The following CACNA2D1 variants were observed in gnomAD, a reference collection of about 807,000 sequenced individuals.
The protein encoded by CACNA2D1 is calcium voltage-gated channel auxiliary subunit alpha2delta 1.
CACNA2D1 carries 53 observed loss-of-function variants against 171.5 expected under a neutral mutation model. The observed-to-expected ratio is 0.31, with a 90% CI of 0.25 to 0.39. The LOEUF (loss-of-function observed/expected upper bound fraction) is 0.39. Among genes scored for constraint, CACNA2D1 ranks in the 10% least tolerant of loss-of-function variants. The pLI is 1.00. For missense variants in CACNA2D1, 903 were observed against 1,299.8 expected (o/e 0.69, Z 4.69); for synonymous variants, 442 against 443.1 (o/e 1.00, Z 0.03).
chr7:82,199,387 T>G (rs1799183314), intron 3 of CACNA2D1, among the ~76,000 whole-genome samples: 1 of 152,094 alleles, frequency 6.6e-6, no homozygotes, highest in South Asian at 2.1e-4. Context: ...GTAATTCAAT[T>G]TGTTTCATCA....
chr7:82,107,586 C>CTTTTTTTTTTTTTT (rs72498624), intron 6 of CACNA2D1, among the ~76,000 whole-genome samples: 1 of 135,652 alleles, frequency 7.4e-6, no homozygotes, highest in Non-Finnish European at 1.6e-5. Flanking sequence ...TGAAAATAAA[C>CTTTTTTTTTTTTTT]TTTTTTTTTT....
intron 6 of CACNA2D1, among the ~76,000 whole-genome samples, chr7:82,088,302 C>G (rs1046098685): frequency 6.6e-6 from 1 of 151,988 alleles, no homozygotes; most frequent in Admixed American, 6.6e-5. Context: ...AGGTACAAAA[C>G]GTCATTTTTT....
At chr7:82,317,699 G>C (rs1258187444) in intron 3 of CACNA2D1, among the ~76,000 whole-genome samples, 1 of 151,966 alleles carries the variant, frequency 6.6e-6, no homozygotes, top group African/African-American at 2.4e-5. Context: ...TTTGATCATG[G>C]CAGCATAGCA....
At chr7:82,378,185 C>A (rs2129448976) in intron 1 of CACNA2D1, among the ~76,000 whole-genome samples, 1 of 152,216 alleles carries the variant, frequency 6.6e-6, no homozygotes, top group East Asian at 1.9e-4. Context: ...ACTGCTTGAG[C>A]CCAGGAATTC....
At chr7:82,218,707 T>C (rs966846125) in intron 3 of CACNA2D1, among the ~76,000 whole-genome samples, 7 of 152,180 alleles carry the variant, frequency 4.6e-5, no homozygotes, top group Non-Finnish European at 7.4e-5. Context: ...AAGTTGTGTG[T>C]TGTGATACTA....
In CACNA2D1 at chr7:81,969,852, G is replaced by C. The variant is rs1271421976; in HGVS notation, c.2308+29C>G. On this transcript the variant is annotated intron_variant, in intron 28 of 38. Transcript: ENST00000356860. ...AGTAATTTATTATTTAAAAAATTGA[G>C]AAAAGCTGAATTCCAAAGCAATACT... 4 of 1,305,076 alleles carry C rather than the reference G, an allele frequency of 3.1e-6. No homozygotes were observed. The Admixed American group carries it at 5.1e-5, about 17-fold the overall frequency. The allele number at this position is 1,305,076 out of a possible 1,614,324, so 80.8% of individuals were successfully genotyped here. A position where few individuals can be genotyped will look rare whatever the true frequency, so the allele number is the denominator to read the frequency against.
intron 1 of CACNA2D1, among the ~76,000 whole-genome samples, chr7:82,368,232 T>C (rs948070521): frequency 4.6e-5 from 7 of 152,318 alleles, no homozygotes; most frequent in East Asian, 1.9e-4. Flanking sequence ...ACCCAAAGGA[T>C]TGTAGAAGTA....
chr7:81,955,567 T>TATTCCTTTGATACAATAATATAAAGGA (rs1793139428), intron 38 of CACNA2D1, among the ~76,000 whole-genome samples: 2 of 152,124 alleles, frequency 1.3e-5, no homozygotes, highest in Non-Finnish European at 2.9e-5. Flanking sequence ...CGATATTATG[T>TATTCCTTTGATACAATAATATAAAGGA]ATTCCTTTGA....
intron 1 of CACNA2D1, among the ~76,000 whole-genome samples, chr7:82,352,501 G>A (rs768418): frequency 0.084 from 12,806 of 152,104 alleles, 1,791 homozygotes; most frequent in African/African-American, 0.29. Flanking sequence ...AACTAACATA[G>A]CACTCCATTA....
At chr7:82,102,951 A>C (rs750834053) in intron 6 of CACNA2D1, among the ~76,000 whole-genome samples, 9 of 152,206 alleles carry the variant, frequency 5.9e-5, no homozygotes, top group Non-Finnish European at 8.8e-5. Context: ...ACTTCATTAC[A>C]GACATAACCT....
intron 1 of CACNA2D1, among the ~76,000 whole-genome samples, chr7:82,427,441 C>T (rs560667335): frequency 6.6e-6 from 1 of 152,268 alleles, no homozygotes; most frequent in Non-Finnish European, 1.5e-5. Flanking sequence ...TTGGATAGTG[C>T]TAAAGCCAGA....
intron 5 of CACNA2D1, among the ~76,000 whole-genome samples, chr7:82,130,626 C>G (rs1563091826): frequency 6.6e-6 from 1 of 151,830 alleles, no homozygotes; most frequent in Non-Finnish European, 1.5e-5. Context: ...GATCACTAAT[C>G]TACTAGTCTT....
chr7:82,280,812 G>A lies in CACNA2D1; in HGVS notation c.294+54323C>T, dbSNP rs377616426. On this transcript the variant is annotated intron_variant, in intron 3 of 38. Transcript: ENST00000356860. ...TCCTCCCACCTCAGCCTCCTGTGTA[G>A]CTGGGACTACAGACACGTGCACCAG... Among the ~76,000 whole-genome samples, 12 of 152,222 alleles carry A rather than the reference G, an allele frequency of 7.9e-5. No individual in the cohort carries two copies. In the East Asian group the frequency reaches 2.3e-3, roughly 29 times the overall value.
chr7:82,299,547 G>A (rs1315098448), intron 3 of CACNA2D1, among the ~76,000 whole-genome samples: 1 of 151,780 alleles, frequency 6.6e-6, no homozygotes, highest in Non-Finnish European at 1.5e-5. Context: ...TGTAGTCCCA[G>A]CTACTGGGGA....
chr7:82,206,874 A>G (rs978092155), intron 3 of CACNA2D1, among the ~76,000 whole-genome samples: 3 of 152,230 alleles, frequency 2.0e-5, no homozygotes, highest in Non-Finnish European at 2.9e-5. Flanking sequence ...TAACCATCCT[A>G]TATATAATAT....
chr7:82,051,637 GGTT>G (rs2131311998), intron 10 of CACNA2D1, among the ~76,000 whole-genome samples: 1 of 152,160 alleles, frequency 6.6e-6, no homozygotes, highest in Admixed American at 6.5e-5. Context: ...GATCTCCTTT[GGTT>G]GTTAACTTTT....
chr7:82,261,517 G>T (rs1026516396), intron 3 of CACNA2D1, among the ~76,000 whole-genome samples: 1 of 152,158 alleles, frequency 6.6e-6, no homozygotes, highest in African/African-American at 2.4e-5. Context: ...GTATTAACGA[G>T]AAGGCGTGTT....
At chr7:82,377,699 G>A (rs1392278379) in intron 1 of CACNA2D1, among the ~76,000 whole-genome samples, 1 of 152,138 alleles carries the variant, frequency 6.6e-6, no homozygotes, top group South Asian at 2.1e-4. Context: ...TCTGCCCCTT[G>A]CCACATGATC....
At chr7:82,051,858 T>C (rs963792077) in intron 10 of CACNA2D1, among the ~76,000 whole-genome samples, 3 of 152,154 alleles carry the variant, frequency 2.0e-5, no homozygotes, top group Non-Finnish European at 4.4e-5. Context: ...AGCATATAAC[T>C]GGATTAGTGG....
Sources: allele counts gnomAD v4.1 joint callset (sites outside exome capture counted in the v4.1 genomes callset), GRCh38; gene constraint gnomAD v4.1.1; transcripts MANE v1.5; gene names NCBI Gene and HGNC (gene_info 2026-07-23, HGNC 2026-07-21).